Variants in LYPD6 observed in about 807,000 individuals in gnomAD.
LYPD6 encodes the protein ly6/PLAUR domain-containing protein 6.
A neutral mutation model predicts 22.7 loss-of-function variants in LYPD6; 15 were observed. The observed-to-expected ratio is 0.66, with a 90% CI of 0.44 to 1.02. The LOEUF is 1.02. LYPD6 is among the 50% of genes least tolerant of loss of function. LYPD6 has a pLI of 0.00. For synonymous variants in LYPD6, 72 were observed against 77.5 expected (o/e 0.93, Z 0.37); for missense variants, 189 against 208.4 (o/e 0.91, Z 0.57).
intron 2 of LYPD6, among the ~76,000 whole-genome samples, chr2:149,447,300 C>T (rs1172368758): frequency 6.6e-6 from 1 of 152,164 alleles, no homozygotes; most frequent in Admixed American, 6.5e-5. Flanking sequence ...TCTCATGTGA[C>T]CCCTCCTCAC....
At chr2:149,377,926 T>C (rs1573754078) in intron 1 of LYPD6, among the ~76,000 whole-genome samples, 1 of 151,928 alleles carries the variant, frequency 6.6e-6, no homozygotes, top group Admixed American at 6.6e-5. Flanking sequence ...ATCGCAAATA[T>C]ACCATCTCCA....
At chr2:149,416,279 A>G (rs1385424886) in intron 1 of LYPD6, among the ~76,000 whole-genome samples, 1 of 152,204 alleles carries the variant, frequency 6.6e-6, no homozygotes, top group Non-Finnish European at 1.5e-5. Flanking sequence ...TTGCTGGCTT[A>G]CTTAATGATG....
intron 1 of LYPD6, among the ~76,000 whole-genome samples, chr2:149,335,638 C>T (rs1681021000): frequency 6.6e-6 from 1 of 152,234 alleles, no homozygotes; most frequent in African/African-American, 2.4e-5. Context: ...TCAGCCTTCA[C>T]TTCTACTTCC....
chr2:149,478,589 A>G (rs1196672), downstream of LYPD6, among the ~76,000 whole-genome samples: 106,805 of 151,674 alleles, frequency 0.7, 39,398 homozygotes, highest in East Asian at 0.86. Context: ...ACACCTGGCT[A>G]ACTTTTTACT....
At chr2:149,485,430 G>A in the LYPD6 span, among the ~76,000 whole-genome samples, 5 of 152,208 alleles carry the variant, frequency 3.3e-5, no homozygotes, top group East Asian at 1.9e-4. Context: ...GCTTTCAGGC[G>A]TTTGGAGGAC....
At chr2:149,469,534 C>G (rs1681283490) in intron 4 of LYPD6, among the ~76,000 whole-genome samples, 1 of 152,104 alleles carries the variant, frequency 6.6e-6, no homozygotes, top group Non-Finnish European at 1.5e-5. Context: ...TGGGCAATGT[C>G]CATTCTCAAT....
At position 149,339,967 on chromosome 2, in the gene LYPD6, A is replaced by C. The variant is rs1478779902; in HGVS notation, c.-72+9245A>C. Among the ~76,000 whole-genome samples, 3 of 152,266 alleles carry C rather than the reference A, an allele frequency of 2.0e-5. No individual in the cohort carries two copies. In the East Asian group the frequency reaches 5.8e-4, roughly 29 times the overall value. On this transcript the variant is annotated intron_variant, in intron 1 of 4. Coordinates refer to ENST00000334166, the MANE Select transcript of LYPD6 (RefSeq NM_194317.5). ...CACCTAACCGAATGAATTCACAACA[A>C]CTTTTGCAGCAGTTATGACTTGTTC... is the stretch of plus-strand genomic sequence containing the variant.
chr2:149,354,986 T>C (rs1681425427), intron 1 of LYPD6, among the ~76,000 whole-genome samples: 1 of 152,206 alleles, frequency 6.6e-6, no homozygotes, highest in South Asian at 2.1e-4. Context: ...AGAGCACTTG[T>C]GGTGTTATGA....
At chr2:149,481,464 T>A in the LYPD6 span, among the ~76,000 whole-genome samples, 1 of 152,348 alleles carries the variant, frequency 6.6e-6, no homozygotes, top group African/African-American at 2.4e-5. Flanking sequence ...ATCCTACTTC[T>A]GTAAAGTGGC....
chr2:149,484,390 C>T, the LYPD6 span, among the ~76,000 whole-genome samples: 13 of 152,122 alleles, frequency 8.5e-5, no homozygotes, highest in Non-Finnish European at 1.5e-4. Flanking sequence ...CATGATGCCA[C>T]GGCTTCTGTC....
At chr2:149,390,486 A>G (rs1239479283) in intron 1 of LYPD6, among the ~76,000 whole-genome samples, 1 of 152,086 alleles carries the variant, frequency 6.6e-6, no homozygotes, top group East Asian at 1.9e-4. Flanking sequence ...TTAATTGTAC[A>G]TTTGTATGTT....
chr2:149,443,263 A>G (rs369899501), intron 2 of LYPD6, among the ~76,000 whole-genome samples: 7 of 152,214 alleles, frequency 4.6e-5, no homozygotes, highest in African/African-American at 1.4e-4. Context: ...TGGATCGTCA[A>G]TCTTCATTCA....
chr2:149,481,053 C>G, the LYPD6 span, among the ~76,000 whole-genome samples: 3 of 152,218 alleles, frequency 2.0e-5, no homozygotes, highest in East Asian at 5.8e-4. Context: ...TAATCAGTCT[C>G]TTGCACACTA....
intron 1 of LYPD6, among the ~76,000 whole-genome samples, chr2:149,408,120 G>A (rs552229163): frequency 6.6e-6 from 1 of 152,120 alleles, no homozygotes; most frequent in Admixed American, 6.5e-5. Flanking sequence ...GTACCCGGCC[G>A]TGTGAGTTGT....
intron 1 of LYPD6, among the ~76,000 whole-genome samples, chr2:149,430,319 C>A (rs1449294534): frequency 1.3e-5 from 2 of 152,150 alleles, no homozygotes; most frequent in East Asian, 3.9e-4. Flanking sequence ...AGACTGGTCT[C>A]AAACTCCTGA....
At chr2:149,396,471 C>G (rs1682431626) in intron 1 of LYPD6, among the ~76,000 whole-genome samples, 1 of 152,060 alleles carries the variant, frequency 6.6e-6, no homozygotes, top group African/African-American at 2.4e-5. Context: ...TTTCAGAAAT[C>G]TTTAATATTT....
chr2:149,375,253 G>A (rs943048604), intron 1 of LYPD6, among the ~76,000 whole-genome samples: 2 of 152,192 alleles, frequency 1.3e-5, no homozygotes, highest in Non-Finnish European at 2.9e-5. Flanking sequence ...GTAAGTGCCC[G>A]TGGGTGGCAC....
At chr2:149,357,785 C>CT (rs530498136) in intron 1 of LYPD6, among the ~76,000 whole-genome samples, 3,850 of 127,370 alleles carry the variant, frequency 0.03, 95 homozygotes, top group African/African-American at 0.071. Context: ...CTTTTCTTTG[C>CT]TTTTTTTTTT....
intron 1 of LYPD6, among the ~76,000 whole-genome samples, chr2:149,434,463 A>G (rs1330027748): frequency 3.9e-5 from 6 of 152,178 alleles, no homozygotes; most frequent in Non-Finnish European, 8.8e-5. Flanking sequence ...CCTTCAAGAC[A>G]TTTCTCACTC....
Sources: gnomAD v4.1 joint callset for allele counts (sites outside exome capture counted in the v4.1 genomes callset) on GRCh38, gnomAD v4.1.1 for gene constraint, MANE v1.5 for transcripts, NCBI Gene and HGNC (gene_info 2026-07-23, HGNC 2026-07-21) for gene names.